The following TMEM63C variants were observed in gnomAD, a reference collection of about 807,000 sequenced individuals.
The protein encoded by TMEM63C is osmosensitive cation channel TMEM63C.
TMEM63C carries 32 observed loss-of-function variants against 99.2 expected under a neutral mutation model. The observed-to-expected ratio is 0.32, with a 90% CI of 0.24 to 0.43. TMEM63C has a LOEUF of 0.43. TMEM63C is among the 20% of genes least tolerant of loss of function. The probability of loss-of-function intolerance (pLI) is 1.00; values close to 1 mark genes in which losing one functional copy is unlikely to be tolerated. For synonymous variants in TMEM63C, 376 were observed against 397.9 expected (o/e 0.94, Z 0.66); for missense variants, 826 against 1,053.0 (o/e 0.78, Z 2.98).
At chr14:77,253,043 T>C (rs1467122671) in intron 22 of TMEM63C, among the ~76,000 whole-genome samples, 1 of 152,238 alleles carries the variant, frequency 6.6e-6, no homozygotes, top group Non-Finnish European at 1.5e-5. Flanking sequence ...AGGCTCATCT[T>C]TGAACTTCAA....
chr14:77,245,472 G>A (rs1889253768), intron 16 of TMEM63C, among the ~76,000 whole-genome samples: 1 of 152,150 alleles, frequency 6.6e-6, no homozygotes, highest in African/African-American at 2.4e-5. Context: ...AAAGAAAGAG[G>A]TTTCATTGGA....
intron 15 of TMEM63C, 100 bp downstream of exon 15, chr14:77,243,156 G>A: frequency 2.2e-6 from 3 of 1,392,650 alleles, no homozygotes; most frequent in Non-Finnish European, 2.9e-6. Flanking sequence ...GGGGGCTGTG[G>A]AGCCCATACA....
At chr14:77,238,396 C>G (rs984456659) in intron 9 of TMEM63C, among the ~76,000 whole-genome samples, 7 of 152,250 alleles carry the variant, frequency 4.6e-5, no homozygotes, top group African/African-American at 1.7e-4. Flanking sequence ...CCTCCCTTCA[C>G]CACAGCAGTC....
At chr14:77,245,915 T>C in intron 16 of TMEM63C, 25 bp from the exon 17 acceptor site, 2 of 1,580,886 alleles carry the variant, frequency 1.3e-6, no homozygotes, top group Non-Finnish European at 1.7e-6. Flanking sequence ...CGTCCATTGA[T>C]GAATATCTCT....
In TMEM63C at chr14:77,239,476, G is replaced by A. The variant is rs749577215; in HGVS notation, c.790G>A (p.Asp264Asn). Residue 264 changes from aspartate (D) to asparagine (N), a missense_variant, in exon 11 of 24, where the codon GAC (aspartate) becomes AAC (asparagine). Transcript: ENST00000298351. Reference protein sequence around the residue: ...HFCYDVRNLIDLDDQRRHAMR... With the variant: ...HFCYDVRNLINLDDQRRHAMR... ...CTGCTACGACGTCAGGAACCTGATC[G>A]ACTTGGACGATCAGAGGTGAGGCTG... 2.0e-5 allele frequency: 32 copies of A among 1,613,476 alleles called. No homozygotes were observed. Among genetic ancestry groups the A allele is most frequent in the Admixed American group, 5.0e-5 (3 of 59,994 alleles).
Position 77,220,038 on chromosome 14 carries a change from A to G in TMEM63C, c.263A>G (p.Glu88Gly). The G allele has an allele frequency of 6.4e-7, 1 of 1,562,512 alleles. No individual in the cohort carries two copies. The highest frequency in any genetic ancestry group is 8.7e-7 in the Non-Finnish European group (1 of 1,153,206). Residue 88 changes from glutamate (E) to glycine (G), a missense_variant, in exon 5 of 24, where the codon GAG becomes GGG. Glu to Gly is a moderately conservative substitution (Grantham distance 98). Coordinates refer to ENST00000298351, the MANE Select transcript of TMEM63C (RefSeq NM_020431.4). ...LTSLIYGEQSEKTSPSETSLE... is the reference protein window; with the variant it reads ...LTSLIYGEQSGKTSPSETSLE... The stretch of plus-strand genomic sequence containing the variant: ...TCGCTGATCTATGGGGAGCAGAGCG[A>G]GAAGACATCTCCCTCGGAGACTTCC...
intron 2 of TMEM63C, among the ~76,000 whole-genome samples, chr14:77,214,570 C>A (rs1888548675): frequency 6.6e-6 from 1 of 152,020 alleles, no homozygotes; most frequent in Non-Finnish European, 1.5e-5. Flanking sequence ...CTTTCTAGAG[C>A]CCCCTGTCTT....
rs775100620 is a variant in TMEM63C at position 77,251,784 on chromosome 14, G to T, written c.2039-5G>T. On this transcript the variant is annotated splice_polypyrimidine_tract_variant and splice_region_variant and intron_variant, in intron 21 of 23. Coordinates refer to ENST00000298351, the MANE Select transcript of TMEM63C (RefSeq NM_020431.4). ...CTGCCCATGACTTTTTCTCCTCCTCGGCAGGTTCTCTCCACGCCATCACCA... is the reference window on the plus strand; with the variant it reads ...CTGCCCATGACTTTTTCTCCTCCTCTGCAGGTTCTCTCCACGCCATCACCA... 6.2e-7 allele frequency: 1 copy of T among 1,612,558 alleles called. No homozygotes were observed. Among genetic ancestry groups the T allele is most frequent in the Non-Finnish European group, 8.5e-7 (1 of 1,178,674 alleles).
intron 1 of TMEM63C, among the ~76,000 whole-genome samples, chr14:77,204,532 A>G (rs529878475): frequency 3.0e-4 from 46 of 152,246 alleles, no homozygotes; most frequent in Admixed American, 5.9e-4. Flanking sequence ...TTCTGCAAAT[A>G]TTTGTAAAGC....
chr14:77,185,653 A>G (rs1887982647), intron 1 of TMEM63C, among the ~76,000 whole-genome samples: 1 of 152,170 alleles, frequency 6.6e-6, no homozygotes, highest in Admixed American at 6.5e-5. Flanking sequence ...TAGAAACACT[A>G]CAGAGGGCAA....
chr14:77,231,754 G>C, intron 7 of TMEM63C, 24 bp downstream of exon 7: 2 of 1,551,054 alleles, frequency 1.3e-6, no homozygotes, highest in Non-Finnish European at 1.7e-6. Flanking sequence ...AGCTGGCCCT[G>C]GGGCAGCAGC....
chr14:77,244,354 A>T lies in TMEM63C; in HGVS notation c.1347A>T (p.Pro449=). The T allele has an allele frequency of 6.2e-7, 1 of 1,613,496 alleles. No homozygotes were observed. Among genetic ancestry groups the T allele is most frequent in the East Asian group, 2.2e-5 (1 of 44,850 alleles). The change falls in exon 16 of 24, where the codon CCA becomes CCT. Residue 449 remains proline, a synonymous_variant. Coordinates refer to ENST00000298351, the MANE Select transcript of TMEM63C (RefSeq NM_020431.4). ...VTRPIEKLQN[P]IVTQFFPSVM... is the part of the protein sequence containing the mutation. Reference sequence around the variant, plus strand: ...CCTCCCCTCTCCCCCTGCAGAACCCAATTGTGACCCAGTTCTTCCCCTCTG... The same window carrying T: ...CCTCCCCTCTCCCCCTGCAGAACCCTATTGTGACCCAGTTCTTCCCCTCTG...
At chr14:77,216,034 C>T (rs1436390241) in intron 2 of TMEM63C, among the ~76,000 whole-genome samples, 1 of 151,860 alleles carries the variant, frequency 6.6e-6, no homozygotes, top group Non-Finnish European at 1.5e-5. Flanking sequence ...GGCGCAGTGG[C>T]TCGTGCCTCA....
chr14:77,218,606 G>C (rs1044587616), intron 2 of TMEM63C, among the ~76,000 whole-genome samples, 195 bp from the exon 3 acceptor site: 4 of 152,342 alleles, frequency 2.6e-5, no homozygotes, highest in Non-Finnish European at 5.9e-5. Flanking sequence ...TCCCGGCCTT[G>C]GGTTTGAGGC....
At chr14:77,187,193 T>G (rs1358952259) in intron 1 of TMEM63C, among the ~76,000 whole-genome samples, 5 of 152,196 alleles carry the variant, frequency 3.3e-5, no homozygotes, top group Non-Finnish European at 7.3e-5. Context: ...ATGGCCAGTC[T>G]GTGTCCAGGG....
At position 77,233,456 on chromosome 14, in the gene TMEM63C, G is replaced by A. The variant is rs1888981202; in HGVS notation, c.498G>A (p.Trp166Ter). ...AGCAACTTCTTTCTCTTTCAGACTG[G>A]AGCAGTCACTTTGCTCGGACCACCA... ...PINYTGSVLD[W>*]SSHFARTTIV... is the part of the protein sequence containing the mutation. The change falls in exon 8 of 24, where the codon TGG becomes TGA. Residue 166 changes from tryptophan to a stop codon, truncating the protein, a stop_gained. Transcript: ENST00000298351. LOFTEE classifies it high-confidence loss of function. 1 of 1,613,326 alleles carries A rather than the reference G, an allele frequency of 6.2e-7. No homozygotes were observed. The highest frequency in any genetic ancestry group is 1.6e-4 in the Middle Eastern group (1 of 6,062).
At chr14:77,217,629 T>C (rs1888611767) in intron 2 of TMEM63C, among the ~76,000 whole-genome samples, 1 of 152,110 alleles carries the variant, frequency 6.6e-6, no homozygotes, top group Non-Finnish European at 1.5e-5. Context: ...TGCAGATAAG[T>C]TCAAGTAGCT....
intron 6 of TMEM63C, among the ~76,000 whole-genome samples, chr14:77,226,916 T>C (rs414815): frequency 0.51 from 76,815 of 151,788 alleles, 20,196 homozygotes; most frequent in East Asian, 0.76. Flanking sequence ...TAGAGGCACG[T>C]GCCACCATGT....
rs777019151 is a variant in TMEM63C at position 77,256,728 on chromosome 14, C to T, written c.*2C>T. On this transcript the variant is annotated 3_prime_UTR_variant, in exon 24 of 24. Transcript: ENST00000298351. ...GAGGGCCAGAACCAGTACCACTGAC[C>T]GGGACCTGAGGCCTCCACTGGCGAC... 3.6e-5 allele frequency: 58 copies of T among 1,613,238 alleles called. No individual in the cohort carries two copies. Among genetic ancestry groups the T allele is most frequent in the East Asian group, 4.5e-5 (2 of 44,878 alleles).
Sources: gnomAD v4.1 joint callset for allele counts (sites outside exome capture counted in the v4.1 genomes callset) on GRCh38, gnomAD v4.1.1 for gene constraint, MANE v1.5 for transcripts, NCBI Gene and HGNC (gene_info 2026-07-23, HGNC 2026-07-21) for gene names.